SV2C: variants seen among roughly 807,000 people sequenced by gnomAD.
The protein encoded by SV2C is solute carrier family 22 member B3.
SV2C carries 49 observed loss-of-function variants against 79.7 expected under a neutral mutation model. The ratio of observed to expected loss-of-function variants is 0.61; its 90% CI spans 0.49 to 0.78. The LOEUF is 0.78. SV2C is among the 30% of genes least tolerant of loss of function. SV2C has a pLI of 0.00. For synonymous variants in SV2C, 334 were observed against 333.2 expected, an observed-to-expected ratio of 1.00 and a Z score of -0.03; for missense variants, 833 against 912.9, an observed-to-expected ratio of 0.91 and a Z score of 1.13.
At chr5:75,958,217 T>C in the SV2C span, among the ~76,000 whole-genome samples, 1 of 151,976 alleles carries the variant, frequency 6.6e-6, no homozygotes, top group Non-Finnish European at 1.5e-5. Context: ...TGCATGACCA[T>C]GGGACATCAA....
chr5:75,927,700 TA>T, the SV2C span, among the ~76,000 whole-genome samples: 1 of 152,126 alleles, frequency 6.6e-6, no homozygotes, highest in Non-Finnish European at 1.5e-5. Flanking sequence ...CAAAAGAACA[TA>T]AAGACATTTT....
chr5:76,194,632 AT>A (rs1263023313), intron 2 of SV2C, among the ~76,000 whole-genome samples: 1 of 152,166 alleles, frequency 6.6e-6, no homozygotes, highest in Non-Finnish European at 1.5e-5. Flanking sequence ...TTATTTTACA[AT>A]TGCTCACAAC....
chr5:75,994,475 T>G, the SV2C span, among the ~76,000 whole-genome samples: 1 of 151,692 alleles, frequency 6.6e-6, no homozygotes, highest in Non-Finnish European at 1.5e-5. Context: ...TGCCTTTGAC[T>G]AGTAATATAA....
At chr5:76,226,325 G>A (rs2112388877) in intron 4 of SV2C, among the ~76,000 whole-genome samples, 1 of 152,114 alleles carries the variant, frequency 6.6e-6, no homozygotes, top group African/African-American at 2.4e-5. Flanking sequence ...AATGAAGCTG[G>A]CAGAAAAGGG....
chr5:76,132,186 G>T lies in SV2C; in HGVS notation c.436G>T (p.Gly146Cys), dbSNP rs371722323. The T allele has an allele frequency of 5.0e-6, 8 of 1,614,132 alleles. No homozygotes were observed. The Admixed American group carries it at 1.3e-4, about 27-fold the overall frequency. Residue 146 changes from glycine to cysteine, a missense_variant, in exon 2 of 13, where the codon GGT becomes TGT. Transcript: ENST00000502798. The stretch of plus-strand genomic sequence containing the variant: ...GTATGAGCTGATAATCCAAGAATGC[G>T]GTCATGGTCGTTTTCAGTGGGCCCT... The part of the protein sequence containing the change: ...QQYELIIQEC[G>C]HGRFQWALFF...
intron 12 of SV2C, among the ~76,000 whole-genome samples, chr5:76,349,153 T>C (rs912027990): frequency 4.6e-5 from 7 of 152,202 alleles, no homozygotes; most frequent in African/African-American, 1.7e-4. Flanking sequence ...ACCTACCTCT[T>C]GGGGTTGTTG....
chr5:75,933,199 C>A, the SV2C span, among the ~76,000 whole-genome samples: 2 of 152,204 alleles, frequency 1.3e-5, no homozygotes, highest in East Asian at 3.9e-4. Context: ...CGCATCATCA[C>A]CAACCTAAGA....
chr5:76,052,084 T>G, the SV2C span, among the ~76,000 whole-genome samples: 1 of 152,184 alleles, frequency 6.6e-6, no homozygotes, highest in Non-Finnish European at 1.5e-5. Context: ...CATCTGGGTC[T>G]GCAAACCCAA....
the SV2C span, among the ~76,000 whole-genome samples, chr5:75,895,636 C>T: frequency 6.6e-6 from 1 of 151,960 alleles, no homozygotes; most frequent in African/African-American, 2.4e-5. Context: ...TGGGCTCAGA[C>T]TTCATGGTTT....
chr5:76,197,346 G>A lies in SV2C; in HGVS notation c.761+2247G>A, dbSNP rs377356425. ...TGGAGTGACAGCAGGGGAGGAGGCAGAAAGAGACTCCTTTCTGGCTTTTTA... is the reference window on the plus strand; with the variant it reads ...TGGAGTGACAGCAGGGGAGGAGGCAAAAAGAGACTCCTTTCTGGCTTTTTA... On this transcript the variant is annotated intron_variant, in intron 3 of 12. Coordinates refer to ENST00000502798, the MANE Select transcript of SV2C (RefSeq NM_014979.4). Among the ~76,000 whole-genome samples the A allele has an allele frequency of 8.5e-5, 13 of 152,298 alleles. No individual in the cohort carries two copies. In the East Asian group the frequency reaches 2.3e-3, roughly 27 times the overall value.
At chr5:75,921,821 GT>G in the SV2C span, among the ~76,000 whole-genome samples, 37,792 of 148,828 alleles carry the variant, frequency 0.25, 5,450 homozygotes, top group East Asian at 0.44. Flanking sequence ...ATATAGCAGG[GT>G]TTTTTTTTTT....
At chr5:76,179,763 G>A (rs1172648600) in intron 2 of SV2C, among the ~76,000 whole-genome samples, 3 of 152,200 alleles carry the variant, frequency 2.0e-5, no homozygotes, top group African/African-American at 4.8e-5. Context: ...GGTAGATCCC[G>A]CTATTTATTC....
the SV2C span, among the ~76,000 whole-genome samples, chr5:75,895,834 C>T: frequency 6.6e-6 from 1 of 152,056 alleles, no homozygotes; most frequent in South Asian, 2.1e-4. Flanking sequence ...ATTAATGTTG[C>T]ATTTAAAAAT....
rs563202474 is a variant in SV2C, at chr5:76,088,599, C to T, written c.-102+5087C>T. Among the ~76,000 whole-genome samples, 140 of 152,264 alleles carry T rather than the reference C, an allele frequency of 9.2e-4. 1 individual carries two copies. The highest frequency in any genetic ancestry group is 9.9e-4 in the Non-Finnish European group (67 of 68,018). On this transcript the variant is annotated intron_variant, in intron 1 of 12. Transcript: ENST00000502798. ...CTTACTTATTTTCCAAAAGGCCTCA[C>T]CTCTTAATACTATCACACTGGGGAG...
At chr5:75,953,256 G>A in the SV2C span, among the ~76,000 whole-genome samples, 7 of 152,024 alleles carry the variant, frequency 4.6e-5, no homozygotes, top group South Asian at 6.2e-4. Context: ...CCCAAGGAGA[G>A]GATTTATCTA....
At chr5:76,077,323 G>A in the SV2C span, among the ~76,000 whole-genome samples, 1 of 152,068 alleles carries the variant, frequency 6.6e-6, no homozygotes, top group Non-Finnish European at 1.5e-5. Flanking sequence ...CAGGACATAT[G>A]GTTTCTTCAT....
At chr5:76,125,083 A>T (rs1164797576) in intron 1 of SV2C, among the ~76,000 whole-genome samples, 1 of 152,140 alleles carries the variant, frequency 6.6e-6, no homozygotes, top group Non-Finnish European at 1.5e-5. Flanking sequence ...GGTTTATGAG[A>T]TCTATTCTTC....
At chr5:76,271,616 CTTTT>C (rs34458409) in intron 4 of SV2C, among the ~76,000 whole-genome samples, 33 of 96,064 alleles carry the variant, frequency 3.4e-4, no homozygotes, top group African/African-American at 8.6e-4. Flanking sequence ...AGCATGTGTT[CTTTT>C]TTTTTTTTTT....
chr5:76,124,988 A>G (rs1443834902), intron 1 of SV2C, among the ~76,000 whole-genome samples: 1 of 152,202 alleles, frequency 6.6e-6, no homozygotes, highest in African/African-American at 2.4e-5. Flanking sequence ...ATATATGCAA[A>G]CAGGTTTGCC....
Sources: gnomAD v4.1 joint callset for allele counts (sites outside exome capture counted in the v4.1 genomes callset) on GRCh38, gnomAD v4.1.1 for gene constraint, MANE v1.5 for transcripts, NCBI Gene and HGNC (gene_info 2026-07-23, HGNC 2026-07-21) for gene names.